Variants in WDR64 observed in about 807,000 individuals in gnomAD.
The protein encoded by WDR64 is WD repeat domain 64.
A neutral mutation model predicts 139.3 loss-of-function variants in WDR64; 112 were observed. The observed-to-expected ratio is 0.80, with a 90% CI of 0.69 to 0.94. The LOEUF is 0.94. Among genes scored for constraint, WDR64 ranks in the 40% least tolerant of loss-of-function variants. The pLI is 0.00. For synonymous variants in WDR64, 444 were observed against 437.7 expected, an observed-to-expected ratio of 1.01 and a Z score of -0.18; for missense variants, 1,206 against 1,293.1, an observed-to-expected ratio of 0.93 and a Z score of 1.03.
chr1:241,751,317 C>T (rs1160496277), intron 14 of WDR64, among the ~76,000 whole-genome samples: 3 of 152,042 alleles, frequency 2.0e-5, no homozygotes, highest in Admixed American at 1.3e-4. Flanking sequence ...AAATTTCTTT[C>T]CCTAAATTCC....
chr1:241,673,081 G>C (rs530007536), intron 3 of WDR64, among the ~76,000 whole-genome samples: 1 of 151,432 alleles, frequency 6.6e-6, no homozygotes, highest in African/African-American at 2.4e-5. Flanking sequence ...GCAAACTATC[G>C]CAAGGACAAA....
intron 8 of WDR64, among the ~76,000 whole-genome samples, chr1:241,708,100 A>T (rs1668022231): frequency 6.6e-6 from 1 of 152,124 alleles, no homozygotes; most frequent in African/African-American, 2.4e-5. Flanking sequence ...GTATCAGGAG[A>T]CAGCCCATGT....
rs868490837 is a variant in WDR64 at position 241,750,881 on chromosome 1, G to A, written c.1770+1159G>A. Among the ~76,000 whole-genome samples the A allele has an allele frequency of 2.8e-4, 43 of 152,234 alleles. 2 individuals are homozygous for A. In the Middle Eastern group the frequency reaches 0.01, roughly 36 times the overall value. On this transcript the variant is annotated intron_variant, in intron 14 of 27. Coordinates refer to ENST00000437684, the MANE Select transcript of WDR64 (RefSeq NM_001367482.1). ...TAGAGAAAGAACCTCTTCTAAAGTA[G>A]ACAATAGTACATTTATGAGGGGTAT...
rs1280025940 is a variant in WDR64 at position 241,703,223 on chromosome 1, C to T, written c.975-8579C>T. Among the ~76,000 whole-genome samples, 1 of 152,164 alleles carries T rather than the reference C, an allele frequency of 6.6e-6. No homozygotes were observed. The highest frequency in any genetic ancestry group is 1.5e-5 in the Non-Finnish European group (1 of 68,026). On this transcript the variant is annotated intron_variant, in intron 8 of 27. Transcript: ENST00000437684. The surrounding 1 kb of genome is among the most constrained non-coding windows in gnomAD (Gnocchi z 5.9). ...TGACTCAGTAGCCCTGCTTCTTTAG[C>T]AATCACACAGTTCCCCTGGGATGCT...
At position 241,656,296 on chromosome 1, in the gene WDR64, T is replaced by C. The variant is rs1665593858; in HGVS notation, c.145+3667T>C. ...GCAAGGAACTAAGAACTAGAGAGAATGTTTTTAATGGAACAGGGTCTGCCT... is the reference window on the plus strand; with the variant it reads ...GCAAGGAACTAAGAACTAGAGAGAACGTTTTTAATGGAACAGGGTCTGCCT... On this transcript the variant is annotated intron_variant, in intron 1 of 27. Transcript: ENST00000437684. The surrounding 1 kb of genome is among the most constrained non-coding windows in gnomAD (Gnocchi z 4.3). Among the ~76,000 whole-genome samples the C allele has an allele frequency of 1.3e-5, 2 of 152,220 alleles. No homozygotes were observed. The highest frequency in any genetic ancestry group is 4.8e-5 in the African/African-American group (2 of 41,462).
Position 241,743,438 on chromosome 1 carries a change from C to T in WDR64, c.1471-955C>T, listed in dbSNP as rs1040492351. On this transcript the variant is annotated intron_variant, in intron 12 of 27. Coordinates refer to ENST00000437684, the MANE Select transcript of WDR64 (RefSeq NM_001367482.1). ...CTCAAATCCCAGCTCTACCACTTCC[C>T]GGCAAGTGGCCCTTCATTATCAGGC... Among the ~76,000 whole-genome samples, 6 of 152,172 alleles carry T rather than the reference C, an allele frequency of 3.9e-5. No homozygotes were observed. The East Asian group carries it at 5.8e-4, about 15-fold the overall frequency.
chr1:241,700,497 T>A (rs1291907529), intron 8 of WDR64, among the ~76,000 whole-genome samples: 1 of 152,124 alleles, frequency 6.6e-6, no homozygotes, highest in Non-Finnish European at 1.5e-5. Flanking sequence ...CATACAAATA[T>A]CTAGAGGAAG....
chr1:241,710,007 G>C (rs1437705864), intron 8 of WDR64, among the ~76,000 whole-genome samples: 3 of 151,470 alleles, frequency 2.0e-5, no homozygotes, highest in Admixed American at 6.6e-5. Flanking sequence ...ACGTTATTAA[G>C]TGAAAAAGCA....
chr1:241,747,840 A>G (rs904604375), intron 13 of WDR64, among the ~76,000 whole-genome samples: 10 of 152,222 alleles, frequency 6.6e-5, no homozygotes, highest in African/African-American at 2.4e-4. Flanking sequence ...TTACTGTCTT[A>G]CCTAGGGCAG....
chr1:241,749,928 C>G (rs1026581046), intron 14 of WDR64, among the ~76,000 whole-genome samples: 2 of 152,182 alleles, frequency 1.3e-5, no homozygotes, highest in Admixed American at 6.5e-5. Flanking sequence ...CCACGGCATG[C>G]TGCCCATCAA....
chr1:241,688,620 G>A (rs559848344), intron 8 of WDR64, among the ~76,000 whole-genome samples: 7 of 152,242 alleles, frequency 4.6e-5, no homozygotes, highest in African/African-American at 1.7e-4. Context: ...AGAGAAGTAA[G>A]GTCACAAGGC....
intron 16 of WDR64, among the ~76,000 whole-genome samples, chr1:241,769,140 G>A (rs1658319977): frequency 6.6e-6 from 1 of 152,046 alleles, no homozygotes; most frequent in Non-Finnish European, 1.5e-5. Context: ...ATAGGATTTT[G>A]TAGAAGTCCA....
In WDR64 at chr1:241,772,940, A is replaced by T; in HGVS notation, c.2430+9A>T. 6.5e-7 allele frequency: 1 copy of T among 1,547,938 alleles called. No homozygotes were observed. The highest frequency in any genetic ancestry group is 1.2e-5 in the South Asian group (1 of 83,490). ...GCTTGTGGACTCTGGAGGTAATGGA[A>T]CCCAGCAAGTCTGGGAATAGGAAAG... is the stretch of plus-strand genomic sequence containing the variant. On this transcript the variant is annotated intron_variant, in intron 20 of 27. Coordinates refer to ENST00000437684, the MANE Select transcript of WDR64 (RefSeq NM_001367482.1).
At chr1:241,800,037 G>C (rs1433723852) in intron 27 of WDR64, among the ~76,000 whole-genome samples, 1 of 152,146 alleles carries the variant, frequency 6.6e-6, no homozygotes, top group Non-Finnish European at 1.5e-5. Flanking sequence ...CCAATGTCTG[G>C]AACATAAGAG....
At chr1:241,727,078 G>C (rs1384969859) in intron 10 of WDR64, among the ~76,000 whole-genome samples, 1 of 152,014 alleles carries the variant, frequency 6.6e-6, no homozygotes, top group African/African-American at 2.4e-5. Flanking sequence ...GTAGAGACAG[G>C]GTTTCGTCAT....
At chr1:241,705,879 A>G (rs1428369865) in intron 8 of WDR64, among the ~76,000 whole-genome samples, 1 of 152,072 alleles carries the variant, frequency 6.6e-6, no homozygotes, top group East Asian at 1.9e-4. Flanking sequence ...GCGAGCCACC[A>G]TGCCTGGCCC....
chr1:241,760,834 C>A (rs919899048), intron 15 of WDR64, among the ~76,000 whole-genome samples: 2 of 145,282 alleles, frequency 1.4e-5, no homozygotes, highest in Non-Finnish European at 3.0e-5. Flanking sequence ...GGCGCTATCC[C>A]GGCTCACTGC....
chr1:241,796,411 G>A (rs764496865), intron 27 of WDR64, 41 bp downstream of exon 27: 1 of 1,319,622 alleles, frequency 7.6e-7, no homozygotes, highest in Non-Finnish European at 1.1e-6. Context: ...CAATTTCAGT[G>A]TATCCTATTT....
intron 10 of WDR64, among the ~76,000 whole-genome samples, chr1:241,733,321 A>T (rs1669166062): frequency 6.6e-6 from 1 of 152,050 alleles, no homozygotes; most frequent in Non-Finnish European, 1.5e-5. Context: ...CTAAAACTAC[A>T]AAAATTAGCT....
Sources: gnomAD v4.1 joint callset for allele counts (sites outside exome capture counted in the v4.1 genomes callset) on GRCh38, gnomAD v4.1.1 for gene constraint, Gnocchi (gnomAD v3.1) non-coding constraint, MANE v1.5 for transcripts, NCBI Gene and HGNC (gene_info 2026-07-23, HGNC 2026-07-21) for gene names.